ADGRL3: variants seen among roughly 807,000 people sequenced by gnomAD.
ADGRL3 encodes calcium-independent alpha-latrotoxin receptor 3.
ADGRL3 carries 62 observed loss-of-function variants against 153.5 expected under a neutral mutation model. The ratio of observed to expected loss-of-function variants is 0.40; its 90% CI spans 0.33 to 0.50. The LOEUF (loss-of-function observed/expected upper bound fraction) is 0.50, where lower values mean the gene tolerates loss of function less well. Among genes scored for constraint, ADGRL3 ranks in the 20% least tolerant of loss-of-function variants. The probability of loss-of-function intolerance (pLI) is 0.47; values close to 1 mark genes in which losing one functional copy is unlikely to be tolerated. For synonymous variants in ADGRL3, 710 were observed against 672.5 expected (o/e 1.06, Z -0.86); for missense variants, 1,641 against 1,859.4 (o/e 0.88, Z 2.16).
intron 8 of ADGRL3, among the ~76,000 whole-genome samples, chr4:61,795,151 A>C (rs2097394096): frequency 6.6e-6 from 1 of 152,164 alleles, no homozygotes; most frequent in African/African-American, 2.4e-5. Flanking sequence ...TTATGTATTT[A>C]TTTTTTAGCT....
chr4:61,691,897 G>A (rs1365148704), intron 6 of ADGRL3, among the ~76,000 whole-genome samples: 1 of 152,034 alleles, frequency 6.6e-6, no homozygotes, highest in African/African-American at 2.4e-5. Context: ...TGGTTGCTAG[G>A]TAATTTTTTG....
At chr4:62,003,520 G>A (rs1280191927) in intron 21 of ADGRL3, among the ~76,000 whole-genome samples, 1 of 152,076 alleles carries the variant, frequency 6.6e-6, no homozygotes. Context: ...TTCTCTGAAT[G>A]GGGAATAATT....
intron 2 of ADGRL3, among the ~76,000 whole-genome samples, chr4:61,395,851 G>A (rs2152065662): frequency 6.6e-6 from 1 of 151,992 alleles, no homozygotes; most frequent in Non-Finnish European, 1.5e-5. Flanking sequence ...GGAAAATTTT[G>A]ATATGGAGGG....
intron 5 of ADGRL3, among the ~76,000 whole-genome samples, chr4:61,674,516 A>G (rs1561043029): frequency 6.6e-6 from 1 of 151,832 alleles, no homozygotes; most frequent in Non-Finnish European, 1.5e-5. Flanking sequence ...AGACCAAGAT[A>G]GGAAGAAAAG....
At chr4:61,541,005 C>T (rs1297432248) in intron 4 of ADGRL3, among the ~76,000 whole-genome samples, 2 of 152,026 alleles carry the variant, frequency 1.3e-5, no homozygotes, top group East Asian at 3.9e-4. Context: ...ATCAGCTGAG[C>T]TGAGGAGGTA....
intron 9 of ADGRL3, among the ~76,000 whole-genome samples, chr4:61,842,932 CT>C (rs1297419824): frequency 1.3e-5 from 2 of 152,022 alleles, no homozygotes; most frequent in Non-Finnish European, 2.9e-5. Context: ...TCTTTAAGGG[CT>C]GTTACAAATT....
At chr4:61,349,970 A>T (rs1175062778) in intron 1 of ADGRL3, among the ~76,000 whole-genome samples, 4 of 152,218 alleles carry the variant, frequency 2.6e-5, no homozygotes, top group African/African-American at 9.6e-5. Context: ...TTCTACAAAT[A>T]CTTATTGAAT....
intron 8 of ADGRL3, among the ~76,000 whole-genome samples, chr4:61,738,135 A>T (rs1328640450): frequency 6.6e-6 from 1 of 151,930 alleles, no homozygotes; most frequent in Non-Finnish European, 1.5e-5. Context: ...TGCCTTTTGC[A>T]TCCTCATAGC....
intron 1 of ADGRL3, among the ~76,000 whole-genome samples, chr4:61,265,749 A>G (rs1342426357): frequency 6.6e-6 from 1 of 151,890 alleles, no homozygotes; most frequent in African/African-American, 2.4e-5. Context: ...GAGGTTCGTC[A>G]TTTCCAGCAG....
intron 2 of ADGRL3, among the ~76,000 whole-genome samples, chr4:61,403,580 C>T (rs1348492011): frequency 6.6e-6 from 1 of 152,004 alleles, no homozygotes; most frequent in South Asian, 2.1e-4. Context: ...CAGTTGTATG[C>T]TTTTATAATA....
At chr4:61,707,594 T>A (rs979533495) in intron 6 of ADGRL3, among the ~76,000 whole-genome samples, 1 of 152,230 alleles carries the variant, frequency 6.6e-6, no homozygotes, top group African/African-American at 2.4e-5. Flanking sequence ...TATGTTAGAT[T>A]AATTTTGCTC....
In ADGRL3 at chr4:61,912,804, G is replaced by A. The variant is rs777403491; in HGVS notation, c.2112+47G>A. On this transcript the variant is annotated intron_variant, in intron 13 of 26. Coordinates refer to ENST00000683033, the MANE Select transcript of ADGRL3 (RefSeq NM_001387552.1). The stretch of plus-strand genomic sequence containing the variant: ...ATGTGTTAAGTTGTTGAATGTCTCT[G>A]TTGTGATGGCATGAATGGACACCTG... 3.9e-6 allele frequency: 6 copies of A among 1,549,144 alleles called. No individual in the cohort carries two copies. The South Asian group carries it at 5.6e-5, about 14-fold the overall frequency.
At chr4:62,040,182 A>G (rs1461209220) in intron 24 of ADGRL3, among the ~76,000 whole-genome samples, 5 of 152,126 alleles carry the variant, frequency 3.3e-5, no homozygotes, top group Non-Finnish European at 7.4e-5. Flanking sequence ...TTGAAGTAAT[A>G]TACACAAAAC....
At chr4:61,545,325 C>A (rs2098708547) in intron 4 of ADGRL3, among the ~76,000 whole-genome samples, 3 of 152,158 alleles carry the variant, frequency 2.0e-5, no homozygotes, top group East Asian at 1.9e-4. Flanking sequence ...TACTGATGTA[C>A]GTGGCAGGAA....
intron 4 of ADGRL3, among the ~76,000 whole-genome samples, chr4:61,571,203 A>C (rs965570332): frequency 6.6e-6 from 1 of 152,148 alleles, no homozygotes; most frequent in South Asian, 2.1e-4. Flanking sequence ...GGCTGGGTAC[A>C]GTGGCTCATG....
intron 17 of ADGRL3, among the ~76,000 whole-genome samples, chr4:61,966,602 G>GTT (rs2099007816): frequency 6.6e-6 from 1 of 151,012 alleles, no homozygotes; most frequent in African/African-American, 2.4e-5. Flanking sequence ...GTGTGTGTGT[G>GTT]TGTGAATGAA....
chr4:61,923,733 A>C (rs2098781389), intron 13 of ADGRL3, among the ~76,000 whole-genome samples: 1 of 152,170 alleles, frequency 6.6e-6, no homozygotes, highest in Admixed American at 6.5e-5. Flanking sequence ...AGTCTGAATA[A>C]ATGACCTCTT....
At chr4:61,880,470 T>C (rs1006061718) in intron 9 of ADGRL3, among the ~76,000 whole-genome samples, 6 of 152,194 alleles carry the variant, frequency 3.9e-5, no homozygotes, top group Non-Finnish European at 8.8e-5. Context: ...TTTATCAAAG[T>C]CACAGTATAA....
chr4:61,476,840 G>T (rs926008641), intron 2 of ADGRL3, among the ~76,000 whole-genome samples: 1 of 150,702 alleles, frequency 6.6e-6, no homozygotes, highest in African/African-American at 2.4e-5. Context: ...CCTCCCAAAT[G>T]CTGGGACTAC....
Sources: gnomAD v4.1 joint callset for allele counts (sites outside exome capture counted in the v4.1 genomes callset) on GRCh38, gnomAD v4.1.1 for gene constraint, MANE v1.5 for transcripts, NCBI Gene and HGNC (gene_info 2026-07-23, HGNC 2026-07-21) for gene names.